LRCH1: variants seen among roughly 807,000 people sequenced by gnomAD.
LRCH1 encodes the protein leucine-rich repeat and calponin homology domain-containing protein 1.
Under a neutral mutation model 94.9 loss-of-function variants are expected in LRCH1, and 23 were observed. The ratio of observed to expected loss-of-function variants is 0.24; its 90% confidence interval spans 0.17 to 0.34. LRCH1 has a LOEUF of 0.34. Among genes scored for constraint, LRCH1 ranks in the 10% least tolerant of loss-of-function variants. The pLI, the probability that LRCH1 is intolerant of heterozygous loss-of-function variation, is 1.00. For synonymous variants in LRCH1, 364 were observed against 354.9 expected (o/e 1.03, Z -0.29); for missense variants, 790 against 945.9 (o/e 0.84, Z 2.16).
At chr13:46,737,158 A>G (rs992619321) in intron 19 of LRCH1, among the ~76,000 whole-genome samples, 3 of 152,186 alleles carry the variant, frequency 2.0e-5, no homozygotes, top group South Asian at 4.1e-4. Flanking sequence ...TGGTTTCTCT[A>G]ATATCCAGGA....
chr13:46,696,232 A>ACACACACT (rs1421449764), intron 9 of LRCH1, among the ~76,000 whole-genome samples: 113 of 140,288 alleles, frequency 8.1e-4, no homozygotes, highest in African/African-American at 3.0e-3. Context: ...ACACACACAC[A>ACACACACT]CTCTTTATAT....
intron 1 of LRCH1, among the ~76,000 whole-genome samples, chr13:46,625,446 A>T (rs1158093286): frequency 1.3e-5 from 2 of 152,124 alleles, no homozygotes; most frequent in African/African-American, 4.8e-5. Flanking sequence ...CATGAATGGG[A>T]TGTCTTTATA....
intron 1 of LRCH1, among the ~76,000 whole-genome samples, chr13:46,623,769 T>A (rs2050911251): frequency 6.6e-6 from 1 of 151,642 alleles, no homozygotes; most frequent in Non-Finnish European, 1.5e-5. Context: ...CGTACAGGTT[T>A]GTTACATATG....
chr13:46,567,256 A>G (rs1326153668), intron 1 of LRCH1, among the ~76,000 whole-genome samples: 2 of 152,236 alleles, frequency 1.3e-5, no homozygotes, highest in African/African-American at 2.4e-5. Flanking sequence ...TCAATTTGAC[A>G]TATAAAAATA....
At chr13:46,737,240 G>T (rs1224230170) in intron 19 of LRCH1, among the ~76,000 whole-genome samples, 1 of 151,776 alleles carries the variant, frequency 6.6e-6, no homozygotes, top group Non-Finnish European at 1.5e-5. Flanking sequence ...TAGTGGGTGA[G>T]ACTATCCCTC....
In LRCH1 at chr13:46,715,975, A is replaced by G. The variant is rs1872302314; in HGVS notation, c.1759+311A>G. On this transcript the variant is annotated intron_variant, in intron 16 of 19. Coordinates refer to ENST00000389797, the MANE Select transcript of LRCH1 (RefSeq NM_001164211.2). Reference sequence around the variant, plus strand: ...GTTTACAAATATTTGGGGTTTGCACATTTGGATTTATCTCCGCTTGTTCCT... The same window carrying G: ...GTTTACAAATATTTGGGGTTTGCACGTTTGGATTTATCTCCGCTTGTTCCT... Among the ~76,000 whole-genome samples the G allele has an allele frequency of 1.3e-5, 2 of 151,824 alleles. 1 individual carries two copies. The highest frequency in any genetic ancestry group is 4.2e-4 in the South Asian group (2 of 4,808).
At chr13:46,650,637 G>A (rs837) in intron 2 of LRCH1, among the ~76,000 whole-genome samples, 81,214 of 148,172 alleles carry the variant, frequency 0.55, 22,250 homozygotes, top group East Asian at 0.63. Flanking sequence ...TTGTAGTTAT[G>A]TTGTCTTCAA....
At chr13:46,672,531 G>C (rs2051614500) in intron 3 of LRCH1, among the ~76,000 whole-genome samples, 1 of 152,110 alleles carries the variant, frequency 6.6e-6, no homozygotes, top group African/African-American at 2.4e-5. Context: ...CACATGTGCT[G>C]AGCCTGAGAG....
In LRCH1 at chr13:46,681,674, T is replaced by C. The variant is rs142326956; in HGVS notation, c.580-67T>C. The C allele has an allele frequency of 1.5e-4, 166 of 1,091,970 alleles. No individual in the cohort carries two copies. The African/African-American group carries it at 2.0e-3, about 13-fold the overall frequency. 67.6% of individuals were successfully genotyped at this position (1,091,970 alleles called of 1,614,324 possible). A position where few individuals can be genotyped will look rare whatever the true frequency, so the allele number is the denominator to read the frequency against. ...CAAATATTTAAATTCCTTAAGGAGATTTCACATGAAATGCTTGATTTCCTG... is the reference window on the plus strand; with the variant it reads ...CAAATATTTAAATTCCTTAAGGAGACTTCACATGAAATGCTTGATTTCCTG... On this transcript the variant is annotated intron_variant, in intron 3 of 19. Coordinates refer to ENST00000389797, the MANE Select transcript of LRCH1 (RefSeq NM_001164211.2).
At chr13:46,747,507 G>A (rs1239613729), downstream of LRCH1, among the ~76,000 whole-genome samples, 1 of 152,220 alleles carries the variant, frequency 6.6e-6, no homozygotes, top group Admixed American at 6.5e-5. Context: ...CATATAAGCT[G>A]TGTCGTTCAC....
At chr13:46,675,915 G>C (rs1246668905) in intron 3 of LRCH1, among the ~76,000 whole-genome samples, 1 of 152,214 alleles carries the variant, frequency 6.6e-6, no homozygotes, top group African/African-American at 2.4e-5. Flanking sequence ...GTGTTGAAAG[G>C]TGATAATTTG....
At chr13:46,619,112 CT>C (rs79154774) in intron 1 of LRCH1, among the ~76,000 whole-genome samples, 18,134 of 106,432 alleles carry the variant, frequency 0.17, 1,952 homozygotes, top group Admixed American at 0.19. Flanking sequence ...TCCTTCCTTC[CT>C]TTTTTTTGGT....
intron 16 of LRCH1, among the ~76,000 whole-genome samples, chr13:46,718,555 G>A (rs1278793410): frequency 6.6e-6 from 1 of 152,206 alleles, no homozygotes; most frequent in East Asian, 1.9e-4. Flanking sequence ...GTTATGTGGT[G>A]TTCAAGTAAG....
At chr13:46,588,590 CTCTG>C (rs1327200318) in intron 1 of LRCH1, among the ~76,000 whole-genome samples, 3 of 132,904 alleles carry the variant, frequency 2.3e-5, no homozygotes, top group Admixed American at 9.2e-5. Context: ...GTTTCTCTCT[CTCTG>C]TCTTTTTTTT....
At chr13:46,579,854 G>C (rs1399152060) in intron 1 of LRCH1, among the ~76,000 whole-genome samples, 1 of 152,176 alleles carries the variant, frequency 6.6e-6, no homozygotes, top group African/African-American at 2.4e-5. Context: ...TTAGTCATCT[G>C]ACAATTTAAA....
intron 13 of LRCH1, among the ~76,000 whole-genome samples, chr13:46,711,073 C>T (rs564575833): frequency 6.6e-6 from 1 of 152,120 alleles, no homozygotes; most frequent in East Asian, 1.9e-4. Flanking sequence ...CCCTCTGTAC[C>T]CCAGTATTCA....
chr13:46,711,513 A>G (rs1266471868), intron 13 of LRCH1, among the ~76,000 whole-genome samples: 2 of 152,246 alleles, frequency 1.3e-5, no homozygotes, highest in Non-Finnish European at 2.9e-5. Context: ...GTAAGCTGAC[A>G]TCCACAGATA....
chr13:46,569,167 A>ATTTAACAAGTGGCATTTTATT (rs765537427), intron 1 of LRCH1, among the ~76,000 whole-genome samples: 3,596 of 152,288 alleles, frequency 0.024, 52 homozygotes, highest in East Asian at 0.057. Context: ...TATTTTAGTG[A>ATTTAACAAGTGGCATTTTATT]TAGAAAAAAC....
intron 1 of LRCH1, among the ~76,000 whole-genome samples, chr13:46,647,994 C>T (rs1282701305): frequency 1.3e-5 from 2 of 151,962 alleles, no homozygotes; most frequent in Middle Eastern, 3.2e-3. Flanking sequence ...ATGACTGAAG[C>T]GCATTACTTT....
Sources: gnomAD v4.1 joint callset for allele counts (sites outside exome capture counted in the v4.1 genomes callset) on GRCh38, gnomAD v4.1.1 for gene constraint, MANE v1.5 for transcripts, NCBI Gene and HGNC (gene_info 2026-07-23, HGNC 2026-07-21) for gene names.